The following LRRC9 variants were observed in gnomAD, a reference collection of about 807,000 sequenced individuals.
LRRC9 encodes leucine-rich repeat-containing protein 9.
A neutral mutation model predicts 63.2 loss-of-function variants in LRRC9; 122 were observed. That is an observed-to-expected ratio of 1.93 (90% CI 1.67 to 2.24). The LOEUF (loss-of-function observed/expected upper bound fraction) is 2.24, where lower values mean the gene tolerates loss of function less well. Ranked by LOEUF, LRRC9 falls within the 30% of genes most tolerant of loss-of-function variation. The pLI is 0.00. For synonymous variants in LRRC9, 366 were observed against 213.1 expected, an observed-to-expected ratio of 1.72 and a Z score of -6.25; for missense variants, 1,071 against 627.7, an observed-to-expected ratio of 1.71 and a Z score of -7.55.
At chr14:60,018,845 G>A (rs564051727) in intron 25 of LRRC9, among the ~76,000 whole-genome samples, 16 of 151,846 alleles carry the variant, frequency 1.1e-4, no homozygotes, top group African/African-American at 2.9e-4. Context: ...CTGTCTTTTC[G>A]ACTAAAAATT....
intron 20 of LRRC9, among the ~76,000 whole-genome samples, chr14:60,002,802 C>T (rs1000287838): frequency 1.3e-5 from 2 of 152,036 alleles, no homozygotes; most frequent in Non-Finnish European, 1.5e-5. Flanking sequence ...ATTCTAATTC[C>T]GTATTCTGAT....
rs1424827081 is a variant in LRRC9 at position 59,923,794 on chromosome 14, AGCCGG to A, written c.-34+3914_-34+3918del. ...TCTCTACTAAAAATACAAAAAAATT[AGCCGG>A]GCGTGGTGGCAGGCGCCTATAGTTC... On this transcript the variant is annotated intron_variant, in intron 1 of 31. Coordinates refer to ENST00000445360, the Ensembl canonical transcript of LRRC9. The surrounding 1 kb of genome is among the most constrained non-coding windows in gnomAD (Gnocchi z 4.2). Among the ~76,000 whole-genome samples the A allele has an allele frequency of 6.6e-6, 1 of 152,118 alleles. No homozygotes were observed. Among genetic ancestry groups the A allele is most frequent in the East Asian group, 1.9e-4 (1 of 5,190 alleles).
intron 13 of LRRC9, among the ~76,000 whole-genome samples, 158 bp from the exon 14 acceptor site, chr14:59,977,067 G>A (rs1018575327): frequency 2.6e-5 from 4 of 152,030 alleles, no homozygotes; most frequent in African/African-American, 7.2e-5. Context: ...ATTTTGGATC[G>A]AGCAATGTGT....
chr14:60,038,455 G>A (rs970883073), intron 29 of LRRC9, among the ~76,000 whole-genome samples: 3 of 152,252 alleles, frequency 2.0e-5, no homozygotes, highest in African/African-American at 7.2e-5. Flanking sequence ...GCAGTGGTTT[G>A]TAGTTCTCCT....
At chr14:59,931,117 C>T (rs1889667221) in intron 4 of LRRC9, 59 bp downstream of exon 4, 1 of 320,730 alleles carries the variant, frequency 3.1e-6, no homozygotes, top group Non-Finnish European at 5.7e-6. Context: ...AGAGTTTAAA[C>T]CACAATGTTC....
At chr14:60,021,216 GT>G (rs1164890023) in intron 26 of LRRC9, among the ~76,000 whole-genome samples, 4 of 151,768 alleles carry the variant, frequency 2.6e-5, no homozygotes, top group Non-Finnish European at 5.9e-5. Flanking sequence ...TCTCATTGTG[GT>G]TTTAATTTGC....
At chr14:59,954,821 G>A (rs1398079666) in intron 8 of LRRC9, among the ~76,000 whole-genome samples, 1 of 152,042 alleles carries the variant, frequency 6.6e-6, no homozygotes, top group African/African-American at 2.4e-5. Flanking sequence ...ATATGTTCCA[G>A]CAATACCTAG....
intron 17 of LRRC9, among the ~76,000 whole-genome samples, chr14:59,995,278 G>A (rs1423448899): frequency 6.6e-6 from 1 of 152,200 alleles, no homozygotes; most frequent in Non-Finnish European, 1.5e-5. Context: ...AAATAGAGAT[G>A]TTTTCTCTGA....
chr14:59,952,290 G>T (rs1157737866), intron 8 of LRRC9, among the ~76,000 whole-genome samples: 1 of 152,194 alleles, frequency 6.6e-6, no homozygotes, highest in Admixed American at 6.5e-5. Context: ...GCCTTTCTTT[G>T]ACTCGGAAAG....
At chr14:60,047,409 C>T (rs1893525497) in intron 29 of LRRC9, among the ~76,000 whole-genome samples, 2 of 151,904 alleles carry the variant, frequency 1.3e-5, no homozygotes, top group African/African-American at 4.8e-5. Flanking sequence ...TTAAGAGATC[C>T]ATCTCACATG....
At chr14:60,021,016 G>C (rs1891077029) in intron 26 of LRRC9, among the ~76,000 whole-genome samples, 1 of 151,888 alleles carries the variant, frequency 6.6e-6, no homozygotes, top group Non-Finnish European at 1.5e-5. Context: ...CCTATGAGTG[G>C]AATGGTTGGG....
chr14:60,054,767 CTT>C (rs1015029145), intron 30 of LRRC9, among the ~76,000 whole-genome samples: 5 of 145,188 alleles, frequency 3.4e-5, no homozygotes, highest in Non-Finnish European at 4.6e-5. Context: ...GATTCCCTTA[CTT>C]TTTTTTTTTT....
At chr14:59,934,138 A>AAAAAAAAG (rs1889935396) in intron 6 of LRRC9, among the ~76,000 whole-genome samples, 3 of 152,040 alleles carry the variant, frequency 2.0e-5, no homozygotes, top group Admixed American at 2.0e-4. Flanking sequence ...TGTTAACAGA[A>AAAAAAAAG]AAAAAAAGAA....
chr14:59,938,412 T>G lies in LRRC9; in HGVS notation c.566T>G (p.Leu189Arg). The G allele has an allele frequency of 1.4e-6, 1 of 691,000 alleles. No homozygotes were observed. Among genetic ancestry groups the G allele is most frequent in the Non-Finnish European group, 2.6e-6 (1 of 380,220 alleles). The allele number at this position is 691,000 out of a possible 1,614,324, so 42.8% of individuals were successfully genotyped here. A position where few individuals can be genotyped will look rare whatever the true frequency, so the allele number is the denominator to read the frequency against. ...TAGGAACTCACGAACTTAACCAGGC[T>G]GCCTTGCTTAAAGGATTTATGTCTG... The change falls in exon 7 of 32, where the codon CTG becomes CGG. Residue 189 changes from leucine to arginine, a missense_variant. Transcript: ENST00000445360. The surrounding 1 kb of genome is among the most constrained non-coding windows in gnomAD (Gnocchi z 4.2).
At chr14:59,951,870 G>A (rs1173211538) in intron 8 of LRRC9, among the ~76,000 whole-genome samples, 4 of 152,184 alleles carry the variant, frequency 2.6e-5, no homozygotes, top group Non-Finnish European at 5.9e-5. Flanking sequence ...CAGATCTCCA[G>A]CTGCGTTCTG....
intron 23 of LRRC9, among the ~76,000 whole-genome samples, chr14:60,010,965 C>T (rs1890213498): frequency 6.6e-6 from 1 of 152,176 alleles, no homozygotes; most frequent in Non-Finnish European, 1.5e-5. Context: ...CTATTTTCTT[C>T]TAAGCCCTCC....
intron 17 of LRRC9, among the ~76,000 whole-genome samples, chr14:59,993,972 A>G (rs888758253): frequency 6.6e-6 from 1 of 152,202 alleles, no homozygotes; most frequent in Admixed American, 6.5e-5. Flanking sequence ...CCTAATAGAC[A>G]TCTACAGAAC....
exon 32 of LRRC9, chr14:60,063,450 A>G: frequency 1.5e-6 from 1 of 663,198 alleles, no homozygotes; most frequent in Non-Finnish European, 2.7e-6. Context: ...GTTAAAAAAA[A>G]AAAAAAAAGA....
At chr14:59,953,023 G>A (rs1296790162) in intron 8 of LRRC9, among the ~76,000 whole-genome samples, 8 of 152,198 alleles carry the variant, frequency 5.3e-5, no homozygotes, top group Non-Finnish European at 1.5e-5. Context: ...ACTCCATGGT[G>A]TATATGTGCC....
Sources: gnomAD v4.1 joint callset for allele counts (sites outside exome capture counted in the v4.1 genomes callset) on GRCh38, gnomAD v4.1.1 for gene constraint, Gnocchi (gnomAD v3.1) non-coding constraint, MANE v1.5 for transcripts, NCBI Gene and HGNC (gene_info 2026-07-23, HGNC 2026-07-21) for gene names.